The following NFIA variants were observed in gnomAD, a reference collection of about 807,000 sequenced individuals.
NFIA encodes the protein nuclear factor I A.
In NFIA, 8 loss-of-function variants were observed where a neutral mutation model predicts 62.8. That is an observed-to-expected ratio of 0.13 (90% CI 0.07 to 0.23). The LOEUF (loss-of-function observed/expected upper bound fraction) is 0.23, where lower values mean the gene tolerates loss of function less well. Among genes scored for constraint, NFIA ranks in the 10% least tolerant of loss-of-function variants. NFIA has a pLI of 1.00. For synonymous variants in NFIA, 235 were observed against 238.1 expected (o/e 0.99, Z 0.12); for missense variants, 410 against 642.1 (o/e 0.64, Z 3.91).
At chr1:61,386,261 C>T (rs1283471454) in intron 7 of NFIA, among the ~76,000 whole-genome samples, 4 of 152,058 alleles carry the variant, frequency 2.6e-5, no homozygotes, top group Non-Finnish European at 5.9e-5. Context: ...AGTGTGGAAT[C>T]GATGTCACAT....
At chr1:61,370,328 C>T (rs537226576) in intron 6 of NFIA, among the ~76,000 whole-genome samples, 5 of 152,256 alleles carry the variant, frequency 3.3e-5, no homozygotes, top group Admixed American at 1.3e-4. Flanking sequence ...ATGCTCACGT[C>T]GACAGAGTAA....
intron 9 of NFIA, among the ~76,000 whole-genome samples, chr1:61,407,326 G>A (rs1665891499): frequency 6.6e-6 from 1 of 152,126 alleles, no homozygotes; most frequent in Admixed American, 6.5e-5. Flanking sequence ...GGGGAGAGTA[G>A]GATGGAAGGA....
At position 61,345,170 on chromosome 1, in the gene NFIA, ACTC is replaced by A. The variant is rs1299537269; in HGVS notation, c.701-7276_701-7274del. ...TCCAAAAGTTAACCTTTTGAGAAAA[ACTC>A]CTCGATAGAGCAAAATACTTCAGAT... On this transcript the variant is annotated intron_variant, in intron 4 of 10. Transcript: ENST00000403491. Among the ~76,000 whole-genome samples the A allele has an allele frequency of 4.6e-5, 7 of 152,296 alleles. No individual in the cohort carries two copies. In the South Asian group the frequency reaches 8.3e-4, roughly 18 times the overall value.
At chr1:61,279,457 A>G (rs985208619) in intron 3 of NFIA, among the ~76,000 whole-genome samples, 3 of 151,362 alleles carry the variant, frequency 2.0e-5, no homozygotes, top group African/African-American at 4.8e-5. Flanking sequence ...ATACAGCTAC[A>G]TCTTATTTTT....
At chr1:61,100,095 A>C (rs1225069716) in intron 2 of NFIA, among the ~76,000 whole-genome samples, 1 of 152,238 alleles carries the variant, frequency 6.6e-6, no homozygotes, top group Non-Finnish European at 1.5e-5. Flanking sequence ...CTCTGTTTAG[A>C]AAGTAGTTGA....
At chr1:61,296,484 G>T (rs1358415669) in intron 3 of NFIA, among the ~76,000 whole-genome samples, 1 of 152,144 alleles carries the variant, frequency 6.6e-6, no homozygotes, top group African/African-American at 2.4e-5. Flanking sequence ...TAGTTGCTGA[G>T]GGCTGTAGGA....
chr1:61,247,238 G>A (rs910235680), intron 2 of NFIA, among the ~76,000 whole-genome samples: 1 of 152,158 alleles, frequency 6.6e-6, no homozygotes, highest in Admixed American at 6.5e-5. Context: ...TTCATCACCT[G>A]AATGCCATTG....
intron 3 of NFIA, among the ~76,000 whole-genome samples, chr1:61,281,789 T>C (rs1005544115): frequency 9.2e-5 from 14 of 152,190 alleles, no homozygotes; most frequent in African/African-American, 3.4e-4. Context: ...TATAAGCTGA[T>C]TAAGGGTAGG....
chr1:61,352,779 A>ACACACG (rs1218999844), intron 5 of NFIA, among the ~76,000 whole-genome samples: 1 of 150,312 alleles, frequency 6.7e-6, no homozygotes, highest in Admixed American at 6.6e-5. Flanking sequence ...ACACACACAC[A>ACACACG]CACACGCACA....
intron 9 of NFIA, among the ~76,000 whole-genome samples, chr1:61,413,116 A>G (rs2100535197): frequency 6.6e-6 from 1 of 152,304 alleles, no homozygotes; most frequent in Non-Finnish European, 1.5e-5. Context: ...ATGTTTCTCC[A>G]TGCCTTCTTC....
At chr1:61,151,769 C>A (rs886469919) in intron 2 of NFIA, among the ~76,000 whole-genome samples, 4 of 152,132 alleles carry the variant, frequency 2.6e-5, no homozygotes, top group Non-Finnish European at 5.9e-5. Flanking sequence ...CATTTCTCCC[C>A]TAGGCACAGA....
At chr1:61,359,892 A>G (rs747851108) in intron 6 of NFIA, among the ~76,000 whole-genome samples, 6 of 152,050 alleles carry the variant, frequency 3.9e-5, no homozygotes, top group Non-Finnish European at 5.9e-5. Context: ...CGGCCTCCCA[A>G]TTGTTTTTGT....
chr1:61,344,498 G>A (rs1160916761), intron 4 of NFIA, among the ~76,000 whole-genome samples: 1 of 152,194 alleles, frequency 6.6e-6, no homozygotes, highest in Non-Finnish European at 1.5e-5. Flanking sequence ...TGGAAATTGA[G>A]TTGGGTTACT....
intron 5 of NFIA, among the ~76,000 whole-genome samples, 159 bp from the exon 6 acceptor site, chr1:61,358,988 A>G (rs1338930004): frequency 6.6e-6 from 1 of 152,224 alleles, no homozygotes; most frequent in Non-Finnish European, 1.5e-5. Flanking sequence ...TTCTACATCC[A>G]GTGACTCACC....
At chr1:61,337,261 C>A (rs1661661041) in intron 4 of NFIA, among the ~76,000 whole-genome samples, 1 of 152,148 alleles carries the variant, frequency 6.6e-6, no homozygotes, top group African/African-American at 2.4e-5. Context: ...TGCTGGCCAA[C>A]TGAAGCTGCA....
chr1:61,156,925 T>G (rs185585112), intron 2 of NFIA, among the ~76,000 whole-genome samples: 4 of 152,322 alleles, frequency 2.6e-5, no homozygotes, highest in South Asian at 2.1e-4. Flanking sequence ...GAGTTCTTAA[T>G]GAACATACAA....
intron 2 of NFIA, among the ~76,000 whole-genome samples, chr1:61,128,484 G>C (rs1465242998): frequency 6.6e-6 from 1 of 152,058 alleles, no homozygotes; most frequent in African/African-American, 2.4e-5. Flanking sequence ...TGTAGTCCTA[G>C]CTATTAATAC....
At chr1:61,452,107 CATTAT>C (rs1274626644) in intron 10 of NFIA, among the ~76,000 whole-genome samples, 1 of 152,074 alleles carries the variant, frequency 6.6e-6, no homozygotes, top group African/African-American at 2.4e-5. Flanking sequence ...CTTTTACAAA[CATTAT>C]ATTGTCCATC....
At chr1:61,324,327 A>G (rs889785777) in intron 3 of NFIA, among the ~76,000 whole-genome samples, 1 of 152,172 alleles carries the variant, frequency 6.6e-6, no homozygotes, top group Admixed American at 6.5e-5. Context: ...ACCAGCATGG[A>G]GAAGCCTGGT....
Sources: allele counts gnomAD v4.1 joint callset (sites outside exome capture counted in the v4.1 genomes callset), GRCh38; gene constraint gnomAD v4.1.1; transcripts MANE v1.5; gene names NCBI Gene and HGNC (gene_info 2026-07-23, HGNC 2026-07-21).